Variants in DENND2D observed in about 807,000 individuals in gnomAD.
DENND2D encodes DENN domain-containing protein 2D.
A neutral mutation model predicts 59.8 loss-of-function variants in DENND2D; 37 were observed. That is an observed-to-expected ratio of 0.62 (90% CI 0.48 to 0.81). The LOEUF (loss-of-function observed/expected upper bound fraction) is 0.81, where lower values mean the gene tolerates loss of function less well. Among genes scored for constraint, DENND2D ranks in the 40% least tolerant of loss-of-function variants. The pLI is 0.00. For missense variants in DENND2D, 525 were observed against 579.7 expected, an observed-to-expected ratio of 0.91 and a Z score of 0.97; for synonymous variants, 219 against 211.3, an observed-to-expected ratio of 1.04 and a Z score of -0.31.
At chr1:111,188,092 C>G (rs964719951) in intron 11 of DENND2D, 39 bp downstream of exon 11, 2 of 1,608,302 alleles carry the variant, frequency 1.2e-6, no homozygotes, top group African/African-American at 2.7e-5. Flanking sequence ...CTAGAGGTAA[C>G]CCTCTATGGG....
chr1:111,197,697 A>G, intron 4 of DENND2D: 1 of 1,404,668 alleles, frequency 7.1e-7, no homozygotes, highest in Non-Finnish European at 9.2e-7. Flanking sequence ...AGCCAGAGAG[A>G]GCACAGACCA....
chr1:111,188,840 T>TGG (rs1657467282), intron 9 of DENND2D, 54 bp from the exon 10 acceptor site: 1 of 1,503,690 alleles, frequency 6.7e-7, no homozygotes, highest in Non-Finnish European at 9.2e-7. Flanking sequence ...GGAGTGAAGG[T>TGG]GGTTGGCAGA....
rs536519323 is a variant in DENND2D, at chr1:111,188,535, C to T, written c.1100-165G>A. 9.2e-5 allele frequency among the ~76,000 whole-genome samples: 14 copies of T among 152,144 alleles called. No individual in the cohort carries two copies. In the East Asian group the frequency reaches 1.7e-3, roughly 19 times the overall value. ...GGGAATCTGGGTATGAGTTCTCTGC[C>T]ATTGCTTAGGAAGAATACAATCCCA... is the stretch of plus-strand genomic sequence containing the variant. On this transcript the variant is annotated intron_variant, in intron 10 of 11. Transcript: ENST00000357640.
intron 6 of DENND2D, 115 bp from the exon 7 acceptor site, chr1:111,194,841 CCTGT>C (rs1658078247): frequency 8.4e-7 from 1 of 1,187,124 alleles, no homozygotes; most frequent in Admixed American, 2.3e-5. Context: ...TGAATCTGGC[CCTGT>C]CTCTCTGTCC....
chr1:111,192,203 G>A lies in DENND2D; in HGVS notation c.909C>T (p.Thr303=). The change falls in exon 8 of 12, where the codon ACC becomes ACT. Residue 303 remains threonine (T), a synonymous_variant. Coordinates refer to ENST00000357640, the MANE Select transcript of DENND2D (RefSeq NM_024901.5). ...GCATTTGTACTCCAACCATGAAGGG[G>A]GTGGGGCAGCAGACGGTGGCCAGAA... ...ESLLATVCCP[T]PFMVGVQMRF... 6.2e-7 allele frequency: 1 copy of A among 1,613,960 alleles called. No individual in the cohort carries two copies. The highest frequency in any genetic ancestry group is 2.2e-5 in the East Asian group (1 of 44,874).
At chr1:111,195,865 G>A in intron 6 of DENND2D, 51 bp downstream of exon 6, 2 of 1,612,014 alleles carry the variant, frequency 1.2e-6, no homozygotes, top group East Asian at 2.2e-5. Flanking sequence ...AGGTGCCACA[G>A]ATGCCTACCC....
At chr1:111,192,946 T>A (rs78278893) in intron 7 of DENND2D, among the ~76,000 whole-genome samples, 113 of 152,306 alleles carry the variant, frequency 7.4e-4, no homozygotes, top group African/African-American at 2.6e-3. Context: ...TAGGAACCTC[T>A]GCCCAGCAAT....
chr1:111,198,063 G>A (rs1571195890), intron 3 of DENND2D, 74 bp from the exon 4 acceptor site: 10 of 1,484,134 alleles, frequency 6.7e-6, no homozygotes, highest in Non-Finnish European at 9.3e-6. Context: ...CAGCACTAGA[G>A]GGTGGAGAGG....
At position 111,189,258 on chromosome 1, in the gene DENND2D, AAT is replaced by A; in HGVS notation, c.973-7_973-6del. On this transcript the variant is annotated splice_polypyrimidine_tract_variant and splice_region_variant and intron_variant, in intron 8 of 11. Transcript: ENST00000357640. ...ACAAAGATTGACCAGCAGGACCTGAAATAAACATAGACTGGCTTTCTCTGGTC... is the reference window on the plus strand; with the variant it reads ...ACAAAGATTGACCAGCAGGACCTGAAAAACATAGACTGGCTTTCTCTGGTC... 1 of 1,614,204 alleles carries A rather than the reference AAT, an allele frequency of 6.2e-7. No individual in the cohort carries two copies. The highest frequency in any genetic ancestry group is 8.5e-7 in the Non-Finnish European group (1 of 1,180,032).
At chr1:111,195,504 C>A in intron 6 of DENND2D, 1 of 205,450 alleles carries the variant, frequency 4.9e-6, no homozygotes. Context: ...TTCCCCTGTG[C>A]ATGGGTGGAG....
chr1:111,188,358 AT>A lies in DENND2D; in HGVS notation c.1111del (p.Ile371SerfsTer43). 6.2e-7 allele frequency: 1 copy of A among 1,613,630 alleles called. No homozygotes were observed. The highest frequency in any genetic ancestry group is 8.5e-7 in the Non-Finnish European group (1 of 1,179,922). On this transcript the variant is annotated frameshift_variant, in exon 11 of 12. Transcript: ENST00000357640. LOFTEE classifies it high-confidence loss of function. ...GINELKTAEQ[I>X]NEHVSGPFVQ... is the part of the protein sequence containing the mutation. ...AAAGGGGCCTGAAACATGCTCGTTG[AT>A]TTGTTCTGCAGCTGCAGGAGATATA...
rs111378970 is a variant in DENND2D, at chr1:111,192,143, T to C, written c.969A>G (p.Glu323=). 16 of 1,597,384 alleles carry C rather than the reference T, an allele frequency of 1.0e-5. 1 individual carries two copies. The highest frequency in any genetic ancestry group is 7.9e-5 in the South Asian group (7 of 88,670). Reference sequence around the variant, plus strand: ...CACTCTTCTTGCCACATCATACCTCTTCCATAGGGCTGTCCATGACCTCCT... The same window carrying C: ...CACTCTTCTTGCCACATCATACCTCCTCCATAGGGCTGTCCATGACCTCCT... ...FQQEVMDSPM[E]EVLLVNLCEG... is the part of the protein sequence containing the mutation. Residue 323 remains glutamate (E), a synonymous_variant, in exon 8 of 12, where the codon GAA becomes GAG. Coordinates refer to ENST00000357640, the MANE Select transcript of DENND2D (RefSeq NM_024901.5).
intron 4 of DENND2D, chr1:111,197,585 A>G: frequency 1.5e-6 from 2 of 1,353,636 alleles, no homozygotes; most frequent in Non-Finnish European, 1.9e-6. Context: ...CTAAGATTTG[A>G]AACTAATTGT....
At position 111,194,745 on chromosome 1, in the gene DENND2D, G is replaced by C. The variant is rs1304700652; in HGVS notation, c.646-19C>G. 5 of 1,613,288 alleles carry C rather than the reference G, an allele frequency of 3.1e-6. No homozygotes were observed. In the Admixed American group the frequency reaches 8.3e-5, roughly 27 times the overall value. The stretch of plus-strand genomic sequence containing the variant: ...AAATGAACTGTGGGGAAACCAGAGA[G>C]AGAGAAGGTGTCACTATACTGCAAG... On this transcript the variant is annotated intron_variant, in intron 6 of 11. Transcript: ENST00000357640.
intron 6 of DENND2D, chr1:111,195,687 T>C (rs1658159522): frequency 1.9e-6 from 1 of 517,654 alleles, no homozygotes; most frequent in African/African-American, 2.0e-5. Flanking sequence ...TTATTATAAA[T>C]AAAAGTCTTG....
upstream of DENND2D, chr1:111,204,464 GA>G: frequency 1.7e-6 from 2 of 1,154,334 alleles, no homozygotes; most frequent in Non-Finnish European, 2.2e-6. Flanking sequence ...AGGCCTAGGG[GA>G]CAGGTTCGGG....
At chr1:111,197,313 TG>T in intron 4 of DENND2D, 60 bp from the exon 5 acceptor site, 1 of 1,571,190 alleles carries the variant, frequency 6.4e-7, no homozygotes, top group Admixed American at 1.9e-5. Flanking sequence ...TTCTCCCAAC[TG>T]GGTATGAAGG....
chr1:111,203,115 C>A (rs1658972261), upstream of DENND2D, among the ~76,000 whole-genome samples: 1 of 152,242 alleles, frequency 6.6e-6, no homozygotes, highest in Non-Finnish European at 1.5e-5. Flanking sequence ...CTGCCCCAAA[C>A]TGTGGTCTCT....
Position 111,198,627 on chromosome 1 carries a change from T to C in DENND2D, c.356+3A>G. On this transcript the variant is annotated splice_donor_region_variant and intron_variant, in intron 3 of 11. Coordinates refer to ENST00000357640, the MANE Select transcript of DENND2D (RefSeq NM_024901.5). ...ATACCCTTGCCCAGGGCTGAGCAAT[T>C]ACCTGGGATACTCGGTGAGTGATGC... 1 of 1,613,822 alleles carries C rather than the reference T, an allele frequency of 6.2e-7. No homozygotes were observed. Among genetic ancestry groups the C allele is most frequent in the East Asian group, 2.2e-5 (1 of 44,886 alleles).
Sources: gnomAD v4.1 joint callset for allele counts (sites outside exome capture counted in the v4.1 genomes callset) on GRCh38, gnomAD v4.1.1 for gene constraint, MANE v1.5 for transcripts, NCBI Gene and HGNC (gene_info 2026-07-23, HGNC 2026-07-21) for gene names.